CCDC178: variants seen among roughly 807,000 people sequenced by gnomAD.
The protein encoded by CCDC178 is coiled-coil domain containing 178.
CCDC178 carries 126 observed loss-of-function variants against 117.4 expected under a neutral mutation model. That is an observed-to-expected ratio of 1.07 (90% CI 0.93 to 1.24). CCDC178 has a LOEUF of 1.24. CCDC178 is among the 50% of genes most tolerant of loss of function. The pLI is 0.00. For missense variants in CCDC178, 1,030 were observed against 986.9 expected, an observed-to-expected ratio of 1.04 and a Z score of -0.59; for synonymous variants, 283 against 313.4, an observed-to-expected ratio of 0.90 and a Z score of 1.02.
At chr18:33,135,486 T>C (rs1008819854) in intron 20 of CCDC178, among the ~76,000 whole-genome samples, 2 of 152,172 alleles carry the variant, frequency 1.3e-5, no homozygotes, top group African/African-American at 4.8e-5. Context: ...TCCCAGATTT[T>C]GCTGATACAA....
chr18:33,188,631 C>A (rs2058823005), intron 20 of CCDC178, among the ~76,000 whole-genome samples: 1 of 152,110 alleles, frequency 6.6e-6, no homozygotes, highest in Non-Finnish European at 1.5e-5. Context: ...TGGGCAATAA[C>A]CAGCAACTAA....
At chr18:33,278,264 C>CAT (rs35568457) in intron 12 of CCDC178, among the ~76,000 whole-genome samples, 3 of 142,384 alleles carry the variant, frequency 2.1e-5, no homozygotes, top group African/African-American at 7.9e-5. Flanking sequence ...TATACATACA[C>CAT]ATATATATAC....
chr18:33,009,022 T>A (rs2055806819), intron 21 of CCDC178, among the ~76,000 whole-genome samples: 1 of 152,116 alleles, frequency 6.6e-6, no homozygotes, highest in Non-Finnish European at 1.5e-5. Flanking sequence ...TTCATTTTAG[T>A]TGTGTGGGCA....
chr18:33,316,416 A>G (rs2062418164), intron 11 of CCDC178, among the ~76,000 whole-genome samples: 1 of 152,066 alleles, frequency 6.6e-6, no homozygotes, highest in African/African-American at 2.4e-5. Flanking sequence ...CCTCCCCGTG[A>G]GGCAGCGCTC....
intron 20 of CCDC178, among the ~76,000 whole-genome samples, chr18:33,162,053 A>G (rs2058471238): frequency 6.6e-6 from 1 of 152,108 alleles, no homozygotes; most frequent in Admixed American, 6.6e-5. Context: ...AAAGCTGGAA[A>G]CCATCATTCT....
At chr18:33,108,979 A>C (rs887915434) in intron 20 of CCDC178, among the ~76,000 whole-genome samples, 1 of 151,572 alleles carries the variant, frequency 6.6e-6, no homozygotes, top group African/African-American at 2.4e-5. Context: ...CTCCAGGTCT[A>C]TTTCTGCATG....
chr18:32,951,546 A>T (rs1342217342), intron 22 of CCDC178, among the ~76,000 whole-genome samples: 1 of 152,208 alleles, frequency 6.6e-6, no homozygotes, highest in South Asian at 2.1e-4. Flanking sequence ...CCATGATTTA[A>T]TTATCTCCAC....
At chr18:33,056,168 C>T (rs1249183630) in intron 21 of CCDC178, among the ~76,000 whole-genome samples, 2 of 152,130 alleles carry the variant, frequency 1.3e-5, no homozygotes, top group Non-Finnish European at 2.9e-5. Flanking sequence ...GCTTATGCTA[C>T]TTACTACATG....
At chr18:33,172,700 T>C (rs543247566) in intron 20 of CCDC178, among the ~76,000 whole-genome samples, 120 of 152,144 alleles carry the variant, frequency 7.9e-4, no homozygotes, top group Non-Finnish European at 6.9e-4. Flanking sequence ...ATTTTGTTTA[T>C]ATTTTTGTTT....
At chr18:33,010,005 T>C (rs2055830765) in intron 21 of CCDC178, among the ~76,000 whole-genome samples, 1 of 152,132 alleles carries the variant, frequency 6.6e-6, no homozygotes, top group Non-Finnish European at 1.5e-5. Context: ...ACACTATCAT[T>C]GTCTTCTAAT....
In CCDC178 at chr18:33,084,352, CT is replaced by C. The variant is rs2057344131; in HGVS notation, c.2388+8408del. Among the ~76,000 whole-genome samples the C allele has an allele frequency of 2.0e-5, 3 of 152,238 alleles. No individual in the cohort carries two copies. The South Asian group carries it at 6.2e-4, about 32-fold the overall frequency. On this transcript the variant is annotated intron_variant, in intron 21 of 22. Coordinates refer to ENST00000383096, the MANE Select transcript of CCDC178 (RefSeq NM_001105528.4). ...ATGTTGGGTATTGCTATGGCATGTG[CT>C]GTTTTATTGTCTTTTCCATCTGTAA...
intron 11 of CCDC178, among the ~76,000 whole-genome samples, chr18:33,304,540 G>C (rs1483981763): frequency 6.6e-6 from 1 of 152,184 alleles, no homozygotes; most frequent in Non-Finnish European, 1.5e-5. Context: ...ACTGAGTATA[G>C]TGCACATTCA....
At chr18:33,263,066 C>T (rs943111677) in intron 14 of CCDC178, among the ~76,000 whole-genome samples, 2 of 151,946 alleles carry the variant, frequency 1.3e-5, no homozygotes, top group African/African-American at 4.8e-5. Flanking sequence ...ATTCAACCTC[C>T]CTAGTAATCA....
At position 33,404,592 on chromosome 18, in the gene CCDC178, C is replaced by A. The variant is rs146249940; in HGVS notation, c.59-7384G>T. 4.9e-3 allele frequency among the ~76,000 whole-genome samples: 742 copies of A among 152,152 alleles called. 14 individuals carry two copies. Among genetic ancestry groups the A allele is most frequent in the South Asian group, 0.042 (205 of 4,824 alleles). ...ACACTGAAATTACAAAATGACCCAG[C>A]AATTCCATTCCTAACTATACACCCA... On this transcript the variant is annotated intron_variant, in intron 3 of 22. Transcript: ENST00000383096.
At chr18:33,312,489 C>T (rs1392416234) in intron 11 of CCDC178, among the ~76,000 whole-genome samples, 1 of 152,210 alleles carries the variant, frequency 6.6e-6, no homozygotes, top group Admixed American at 6.5e-5. Context: ...CCCTACCCAA[C>T]ATAAGCAAAC....
chr18:33,164,218 C>T (rs2058500632), intron 20 of CCDC178, among the ~76,000 whole-genome samples: 1 of 150,806 alleles, frequency 6.6e-6, no homozygotes, highest in Non-Finnish European at 1.5e-5. Flanking sequence ...AACAATTCTC[C>T]TGCCTCAGCC....
chr18:33,257,271 G>A (rs2059692385), intron 14 of CCDC178, among the ~76,000 whole-genome samples: 1 of 152,016 alleles, frequency 6.6e-6, no homozygotes, highest in Non-Finnish European at 1.5e-5. Flanking sequence ...GCCAGACTGG[G>A]AATGTTCTCA....
intron 20 of CCDC178, among the ~76,000 whole-genome samples, chr18:33,170,066 G>GTGTGTGTGTGTGTATGTGT (rs1316717305): frequency 1.3e-5 from 2 of 151,978 alleles, no homozygotes; most frequent in African/African-American, 4.8e-5. Flanking sequence ...TTGTGTGTGT[G>GTGTGTGTGTGTGTATGTGT]TGTGTGTGTG....
At chr18:33,403,151 G>T (rs1440618158) in intron 3 of CCDC178, among the ~76,000 whole-genome samples, 1 of 152,164 alleles carries the variant, frequency 6.6e-6, no homozygotes, top group Non-Finnish European at 1.5e-5. Flanking sequence ...GCATGTGCCA[G>T]AAGGAAAGGC....
Sources: gnomAD v4.1 joint callset for allele counts (sites outside exome capture counted in the v4.1 genomes callset) on GRCh38, gnomAD v4.1.1 for gene constraint, MANE v1.5 for transcripts, NCBI Gene and HGNC (gene_info 2026-07-23, HGNC 2026-07-21) for gene names.